Variants in ARHGEF17 observed in about 807,000 individuals in gnomAD.
ARHGEF17 encodes 164 kDa Rho-specific guanine-nucleotide exchange factor.
ARHGEF17 carries 80 observed loss-of-function variants against 174.0 expected under a neutral mutation model. The observed-to-expected ratio is 0.46, with a 90% confidence interval of 0.38 to 0.55. The LOEUF (loss-of-function observed/expected upper bound fraction) is 0.55. Among genes scored for constraint, ARHGEF17 ranks in the 20% least tolerant of loss-of-function variants. The probability of loss-of-function intolerance (pLI) is 0.00; values close to 1 mark genes in which losing one functional copy is unlikely to be tolerated. For synonymous variants in ARHGEF17, 1,311 were observed against 1,189.1 expected (o/e 1.10, Z -2.11); for missense variants, 2,886 against 2,839.7 (o/e 1.02, Z -0.37).
chr11:73,309,194 C>T lies in ARHGEF17; in HGVS notation c.556C>T (p.Arg186Trp), dbSNP rs1864755266. The T allele has an allele frequency of 6.3e-7, 1 of 1,588,598 alleles. No individual in the cohort carries two copies. Among genetic ancestry groups the T allele is most frequent in the Non-Finnish European group, 8.6e-7 (1 of 1,167,390 alleles). The change falls in exon 1 of 21, where the codon CGG becomes TGG. Residue 186 changes from arginine (R) to tryptophan (W), a missense_variant. By Grantham distance (101) the Arg-to-Trp change is moderately radical (BLOSUM62 -3). Transcript: ENST00000263674. ...CCCCCTGGCGGGTCTGCGTTCGGCG[C>T]GGCCCCTGACCGGGCCGGAGACCGA... ...CFPLAGLRSA[R>W]PLTGPETEGR...
Position 73,359,510 on chromosome 11 carries a change from G to A in ARHGEF17, c.4088-324G>A, listed in dbSNP as rs540050029. Among the ~76,000 whole-genome samples the A allele has an allele frequency of 1.5e-3, 227 of 152,358 alleles. 3 individuals carry two copies. The highest frequency in any genetic ancestry group is 5.2e-3 in the African/African-American group (215 of 41,580). On this transcript the variant is annotated intron_variant, in intron 9 of 20. Transcript: ENST00000263674. Reference sequence around the variant, plus strand: ...CACGCCCACGGGAGGCTGCAACGCCGCAGCAGTTCCGTGTCAGCCAGGGCC... The same window carrying A: ...CACGCCCACGGGAGGCTGCAACGCCACAGCAGTTCCGTGTCAGCCAGGGCC...
In ARHGEF17 at chr11:73,308,605, C is replaced by T. The variant is rs1341938655; in HGVS notation, c.-34C>T. 7 of 1,411,018 alleles carry T rather than the reference C, an allele frequency of 5.0e-6. No individual in the cohort carries two copies. In the East Asian group the frequency reaches 1.8e-4, roughly 37 times the overall value. 87.4% of individuals were successfully genotyped at this position (1,411,018 alleles called of 1,614,324 possible). A position where few individuals can be genotyped will look rare whatever the true frequency, so the allele number is the denominator to read the frequency against. On this transcript the variant is annotated 5_prime_UTR_variant, in exon 1 of 21. Coordinates refer to ENST00000263674, the MANE Select transcript of ARHGEF17 (RefSeq NM_014786.4). Reference sequence around the variant, plus strand: ...GCAGGGGGGGTTGGCCGCGGCTGCCCGAGGCCAGCCCCCCCGGAGTGAGTT... The same window carrying T: ...GCAGGGGGGGTTGGCCGCGGCTGCCTGAGGCCAGCCCCCCCGGAGTGAGTT...
Position 73,355,238 on chromosome 11 carries a change from T to C in ARHGEF17, c.3454-295T>C, listed in dbSNP as rs180739779. Among the ~76,000 whole-genome samples, 195 of 152,276 alleles carry C rather than the reference T, an allele frequency of 1.3e-3. 10 individuals are homozygous for C. The highest frequency in any genetic ancestry group is 4.0e-4 in the Non-Finnish European group (27 of 68,012). ...GAGGTCTAGGGATGGAAATGCCCAG[T>C]TGGAAGTGAGAGAACCAGGTCTGAG... On this transcript the variant is annotated intron_variant, in intron 3 of 20. Coordinates refer to ENST00000263674, the MANE Select transcript of ARHGEF17 (RefSeq NM_014786.4).
chr11:73,312,193 C>A (rs1374664533), intron 1 of ARHGEF17, among the ~76,000 whole-genome samples: 3 of 152,144 alleles, frequency 2.0e-5, no homozygotes, highest in Non-Finnish European at 4.4e-5. Context: ...TGGCACCCAG[C>A]GCAGGCTCAG....
intron 10 of ARHGEF17, 30 bp downstream of exon 10, chr11:73,359,982 C>T: frequency 6.4e-7 from 1 of 1,557,236 alleles, no homozygotes. Flanking sequence ...CACTGGGGAG[C>T]CAGAGGGTGG....
chr11:73,339,128 C>T (rs115644460), intron 1 of ARHGEF17, among the ~76,000 whole-genome samples: 175 of 152,314 alleles, frequency 1.1e-3, no homozygotes, highest in African/African-American at 4.1e-3. Context: ...ACCGGCATTT[C>T]TCCTTCACCA....
At chr11:73,317,534 G>A (rs1446365232) in intron 1 of ARHGEF17, among the ~76,000 whole-genome samples, 1 of 152,236 alleles carries the variant, frequency 6.6e-6, no homozygotes, top group Non-Finnish European at 1.5e-5. Flanking sequence ...GTGGGGGAAG[G>A]GGGAGCCAAT....
intron 13 of ARHGEF17, 60 bp downstream of exon 13, chr11:73,362,299 C>T (rs1457801985): frequency 2.7e-6 from 4 of 1,458,840 alleles, no homozygotes; most frequent in Admixed American, 5.0e-5. Flanking sequence ...ACCCCTGTCC[C>T]AGCACACTCT....
chr11:73,313,051 G>C (rs1204488177), intron 1 of ARHGEF17, among the ~76,000 whole-genome samples: 1 of 152,202 alleles, frequency 6.6e-6, no homozygotes, highest in Non-Finnish European at 1.5e-5. Flanking sequence ...CTGACTGTGT[G>C]AGAAGCCTGG....
intron 1 of ARHGEF17, among the ~76,000 whole-genome samples, chr11:73,333,521 A>C (rs1209189745): frequency 1.3e-5 from 2 of 152,210 alleles, no homozygotes; most frequent in African/African-American, 4.8e-5. Context: ...GTGGAGGGAT[A>C]ATTGAACGGG....
rs879597527 is a variant in ARHGEF17 at position 73,357,247 on chromosome 11, C to T, written c.4007C>T (p.Thr1336Met). The stretch of plus-strand genomic sequence containing the variant: ...GCCCCATTGGCTCCCCACAGGTACA[C>T]GGCAGCCAGTGTCATTGACACAGCC... ...SLRRSSMSLY[T>M]AASVIDTASK... is the part of the protein sequence containing the mutation. The change falls in exon 9 of 21, where the codon ACG (threonine) becomes ATG (methionine). Residue 1336 changes from threonine to methionine, a missense_variant. By Grantham distance (81) the Thr-to-Met change is moderately conservative. Coordinates refer to ENST00000263674, the MANE Select transcript of ARHGEF17 (RefSeq NM_014786.4). 18 of 1,613,668 alleles carry T rather than the reference C, an allele frequency of 1.1e-5. No homozygotes were observed. The highest frequency in any genetic ancestry group is 5.3e-5 in the African/African-American group (4 of 74,938).
chr11:73,325,053 G>T (rs1259564782), intron 1 of ARHGEF17, among the ~76,000 whole-genome samples: 2 of 152,188 alleles, frequency 1.3e-5, no homozygotes, highest in Admixed American at 1.3e-4. Flanking sequence ...CCACGGGCAG[G>T]TGAAGGGGAG....
chr11:73,347,055 T>C, intron 2 of ARHGEF17, 95 bp downstream of exon 2: 1 of 1,229,294 alleles, frequency 8.1e-7, no homozygotes. Context: ...GACAAGGGAC[T>C]GAGGCCAGAG....
At chr11:73,354,283 G>A (rs561521251) in intron 3 of ARHGEF17, among the ~76,000 whole-genome samples, 97 of 152,328 alleles carry the variant, frequency 6.4e-4, no homozygotes, top group African/African-American at 2.2e-3. Context: ...GGACTACGGC[G>A]AAGCCCTGGA....
intron 2 of ARHGEF17, among the ~76,000 whole-genome samples, chr11:73,349,131 T>C (rs1865511452): frequency 6.6e-6 from 1 of 151,354 alleles, no homozygotes; most frequent in Non-Finnish European, 1.5e-5. Context: ...GCAGGAGGAG[T>C]AGACATGGCA....
Position 73,365,160 on chromosome 11 carries a change from G to T in ARHGEF17, c.5551-230G>T. ...ATTTTAGAACCCTTTAAGCATTGAA[G>T]TTCTCTGATCCTTAAATCACTCAAG... On this transcript the variant is annotated intron_variant, in intron 18 of 20. Transcript: ENST00000263674. This position sits in a 1 kb window ranked among gnomAD's most constrained non-coding sequence, Gnocchi z 4.9. 1.8e-6 allele frequency: 1 copy of T among 569,002 alleles called. No individual in the cohort carries two copies. The highest frequency in any genetic ancestry group is 3.1e-6 in the Non-Finnish European group (1 of 320,312). The allele number at this position is 569,002 out of a possible 1,614,324, so 35.2% of individuals were successfully genotyped here. A position where few individuals can be genotyped will look rare whatever the true frequency, so the allele number is the denominator to read the frequency against.
Position 73,362,550 on chromosome 11 carries a change from G to A in ARHGEF17, c.4812G>A (p.Pro1604=), listed in dbSNP as rs770889670. 8 of 1,608,014 alleles carry A rather than the reference G, an allele frequency of 5.0e-6. No homozygotes were observed. Among genetic ancestry groups the A allele is most frequent in the South Asian group, 2.2e-5 (2 of 91,030 alleles). The change falls in exon 14 of 21, where the codon CCG becomes CCA. Residue 1604 remains proline (P), a synonymous_variant. Coordinates refer to ENST00000263674, the MANE Select transcript of ARHGEF17 (RefSeq NM_014786.4). ...CCGCGACGCTCGCGGAGCCGGGGCC[G>A]CAGCCCTGCCTTCACATCTCCATTG... The part of the protein sequence containing the change: ...EEAATLAEPG[P]QPCLHISIAG...
chr11:73,338,633 C>G (rs1865322452), intron 1 of ARHGEF17, among the ~76,000 whole-genome samples: 1 of 152,052 alleles, frequency 6.6e-6, no homozygotes, highest in Admixed American at 6.5e-5. Flanking sequence ...CTGTTCATGT[C>G]ACTGTCTTGG....
rs375182928 is a variant in ARHGEF17 at position 73,365,378 on chromosome 11, C to G, written c.5551-12C>G. 8.7e-5 allele frequency: 141 copies of G among 1,613,492 alleles called. No homozygotes were observed. The highest frequency in any genetic ancestry group is 4.5e-4 in the Admixed American group (27 of 60,002). ...CCTGCCAATGACCCATCTTCTCCCCCGCCTTCCCCAGCACATGTTTTACGT... is the reference window on the plus strand; with the variant it reads ...CCTGCCAATGACCCATCTTCTCCCCGGCCTTCCCCAGCACATGTTTTACGT... On this transcript the variant is annotated splice_polypyrimidine_tract_variant and intron_variant, in intron 18 of 20. Coordinates refer to ENST00000263674, the MANE Select transcript of ARHGEF17 (RefSeq NM_014786.4). The surrounding 1 kb of genome is among the most constrained non-coding windows in gnomAD (Gnocchi z 4.9).
Sources: gnomAD v4.1 joint callset for allele counts (sites outside exome capture counted in the v4.1 genomes callset) on GRCh38, gnomAD v4.1.1 for gene constraint, Gnocchi (gnomAD v3.1) non-coding constraint, MANE v1.5 for transcripts, NCBI Gene and HGNC (gene_info 2026-07-23, HGNC 2026-07-21) for gene names.